Variants in STAT5B observed in about 807,000 individuals in gnomAD.
The protein encoded by STAT5B is transcription factor STAT5B.
STAT5B carries 21 observed loss-of-function variants against 107.8 expected under a neutral mutation model. The ratio of observed to expected loss-of-function variants is 0.19; its 90% CI spans 0.14 to 0.28. The LOEUF is 0.28. Among genes scored for constraint, STAT5B ranks in the 10% least tolerant of loss-of-function variants. The probability of loss-of-function intolerance (pLI) is 1.00; values close to 1 mark genes in which losing one functional copy is unlikely to be tolerated. For synonymous variants in STAT5B, 325 were observed against 401.7 expected (o/e 0.81, Z 2.28); for missense variants, 565 against 1,008.2 (o/e 0.56, Z 5.95).
chr17:42,233,266 C>A lies in STAT5B; in HGVS notation c.-10-1129G>T, dbSNP rs532663720. Among the ~76,000 whole-genome samples, 300 of 152,246 alleles carry A rather than the reference C, an allele frequency of 2.0e-3. 2 individuals are homozygous for A. The highest frequency in any genetic ancestry group is 7.0e-3 in the African/African-American group (291 of 41,542). ...AAATATCTGAAGTGTTGATTGAACC[C>A]TATGCATTATCACTAGTTACCTAAG... On this transcript the variant is annotated intron_variant, in intron 1 of 18. Coordinates refer to ENST00000293328, the MANE Select transcript of STAT5B (RefSeq NM_012448.4).
intron 1 of STAT5B, among the ~76,000 whole-genome samples, chr17:42,265,972 G>A (rs146992988): frequency 2.6e-5 from 4 of 151,720 alleles, no homozygotes; most frequent in East Asian, 1.9e-4. Flanking sequence ...TATATATTAC[G>A]AATATTTACC....
intron 3 of STAT5B, among the ~76,000 whole-genome samples, chr17:42,227,136 A>AAAATAAAT (rs68033349): frequency 0.057 from 7,477 of 132,152 alleles, 341 homozygotes; most frequent in African/African-American, 0.11. Context: ...CTCCGTCTCA[A>AAAATAAAT]AAATAAATAA....
Position 42,227,757 on chromosome 17 carries a change from T to A in STAT5B, c.129-72A>T, listed in dbSNP as rs945418549. On this transcript the variant is annotated intron_variant, in intron 2 of 18. Coordinates refer to ENST00000293328, the MANE Select transcript of STAT5B (RefSeq NM_012448.4). ...CCTGTATAAATACAGCCTCAACACA[T>A]CCTACTTTTTCTTCAACTAAAGTGA... 3.8e-5 allele frequency: 57 copies of A among 1,495,854 alleles called. No homozygotes were observed. In the South Asian group the frequency reaches 6.7e-4, roughly 18 times the overall value. The allele number at this position is 1,495,854 out of a possible 1,614,324, so 92.7% of individuals were successfully genotyped here. A position where few individuals can be genotyped will look rare whatever the true frequency, so the allele number is the denominator to read the frequency against.
At chr17:42,239,686 G>A (rs1383658156) in intron 1 of STAT5B, among the ~76,000 whole-genome samples, 1 of 152,192 alleles carries the variant, frequency 6.6e-6, no homozygotes, top group Non-Finnish European at 1.5e-5. Flanking sequence ...GGGTCATCAA[G>A]ATTAAGTAGA....
intron 16 of STAT5B, 69 bp downstream of exon 16, chr17:42,207,489 A>ACACACG (rs2144210002): frequency 1.3e-4 from 3 of 22,972 alleles, no homozygotes; most frequent in East Asian, 6.5e-3. Context: ...GCAGGTATGC[A>ACACACG]CACACACACA....
chr17:42,225,429 C>G (rs951626514), intron 3 of STAT5B, among the ~76,000 whole-genome samples: 1 of 152,128 alleles, frequency 6.6e-6, no homozygotes, highest in Non-Finnish European at 1.5e-5. Context: ...GGATGCCACT[C>G]TCAAATGGGC....
chr17:42,254,661 G>A (rs888654088), intron 1 of STAT5B, among the ~76,000 whole-genome samples: 1 of 151,566 alleles, frequency 6.6e-6, no homozygotes, highest in African/African-American at 2.4e-5. Flanking sequence ...TGTGTCTTCA[G>A]CAACTACTCA....
At chr17:42,230,724 G>C (rs993455950) in intron 2 of STAT5B, among the ~76,000 whole-genome samples, 2 of 151,766 alleles carry the variant, frequency 1.3e-5, no homozygotes, top group African/African-American at 4.8e-5. Flanking sequence ...GCAGTAGTGC[G>C]ATCTCGGCTC....
At chr17:42,223,731 A>T (rs1381540765) in intron 4 of STAT5B, among the ~76,000 whole-genome samples, 175 bp from the exon 5 acceptor site, 1 of 152,170 alleles carries the variant, frequency 6.6e-6, no homozygotes, top group Non-Finnish European at 1.5e-5. Flanking sequence ...AAAAGTGAGA[A>T]ACAGGTGAGC....
At chr17:42,248,865 C>T (rs1295268518) in intron 1 of STAT5B, among the ~76,000 whole-genome samples, 1 of 152,228 alleles carries the variant, frequency 6.6e-6, no homozygotes, top group Admixed American at 6.5e-5. Context: ...GCAGCTAGTA[C>T]GCAATAGCAT....
chr17:42,211,369 G>A (rs1272087075), intron 13 of STAT5B, among the ~76,000 whole-genome samples: 1 of 152,090 alleles, frequency 6.6e-6, no homozygotes, highest in Non-Finnish European at 1.5e-5. Context: ...TGCGGGGCGT[G>A]GTGCCGCATG....
intron 15 of STAT5B, among the ~76,000 whole-genome samples, chr17:42,208,820 C>T (rs539605202): frequency 1.3e-3 from 199 of 151,946 alleles, no homozygotes; most frequent in Non-Finnish European, 2.5e-3. Context: ...CAAGCTCCGC[C>T]TCCCGGGTTC....
At chr17:42,242,773 G>A (rs570163388) in intron 1 of STAT5B, among the ~76,000 whole-genome samples, 6 of 152,244 alleles carry the variant, frequency 3.9e-5, no homozygotes, top group Non-Finnish European at 7.4e-5. Flanking sequence ...TTCGAGACCA[G>A]CCTGGCCAAC....
intron 1 of STAT5B, among the ~76,000 whole-genome samples, chr17:42,252,132 C>T (rs1212864508): frequency 6.6e-6 from 1 of 152,124 alleles, no homozygotes; most frequent in African/African-American, 2.4e-5. Flanking sequence ...AATAGACACT[C>T]TGATACAGAA....
At chr17:42,260,776 T>G (rs901259905) in intron 1 of STAT5B, among the ~76,000 whole-genome samples, 16 of 152,138 alleles carry the variant, frequency 1.1e-4, no homozygotes, top group African/African-American at 3.9e-4. Flanking sequence ...AATTTTATTT[T>G]TACTTTTTAT....
intron 1 of STAT5B, chr17:42,235,245 T>C (rs570835875): frequency 2.6e-5 from 4 of 152,342 alleles, no homozygotes; most frequent in Non-Finnish European, 5.9e-5. Context: ...GCTTACTGAC[T>C]TCCCACCAGG....
intron 1 of STAT5B, among the ~76,000 whole-genome samples, chr17:42,262,643 G>A (rs1441782597): frequency 2.0e-5 from 3 of 151,154 alleles, no homozygotes; most frequent in East Asian, 3.9e-4. Context: ...AAAAGCCAAT[G>A]CAGAAAATAT....
At position 42,273,205 on chromosome 17, in the gene STAT5B, C is replaced by T. The variant is rs149618389; in HGVS notation, c.-11+3043G>A. On this transcript the variant is annotated intron_variant, in intron 1 of 18. Transcript: ENST00000293328. The stretch of plus-strand genomic sequence containing the variant: ...AAATAAGCATAAAACTGTTGTGTTT[C>T]CAACACTGCAGGAGAAAAAAAAAAA... 3.5e-3 allele frequency among the ~76,000 whole-genome samples: 536 copies of T among 152,030 alleles called. 5 individuals carry two copies. Among genetic ancestry groups the T allele is most frequent in the African/African-American group, 0.012 (502 of 41,456 alleles).
intron 1 of STAT5B, among the ~76,000 whole-genome samples, chr17:42,253,349 C>T (rs2080515570): frequency 6.6e-6 from 1 of 152,172 alleles, no homozygotes; most frequent in East Asian, 1.9e-4. Flanking sequence ...TGCTCAAAAG[C>T]TGTCACTAAT....
Sources: gnomAD v4.1 joint callset for allele counts (sites outside exome capture counted in the v4.1 genomes callset) on GRCh38, gnomAD v4.1.1 for gene constraint, MANE v1.5 for transcripts, NCBI Gene and HGNC (gene_info 2026-07-23, HGNC 2026-07-21) for gene names.